RUNX1T1: variants seen among roughly 807,000 people sequenced by gnomAD.
RUNX1T1 encodes protein CBFA2T1.
RUNX1T1 carries 4 observed loss-of-function variants against 62.8 expected under a neutral mutation model. That is an observed-to-expected ratio of 0.06 (90% CI 0.03 to 0.15). RUNX1T1 has a LOEUF of 0.15. RUNX1T1 is among the 10% of genes least tolerant of loss of function. The pLI, the probability that RUNX1T1 is intolerant of heterozygous loss-of-function variation, is 1.00. For missense variants in RUNX1T1, 508 were observed against 754.3 expected (o/e 0.67, Z 3.82); for synonymous variants, 291 against 286.0 (o/e 1.02, Z -0.18).
chr8:91,959,792 CTCT>C (rs1348840062), exon 11 of RUNX1T1: 5 of 251,776 alleles, frequency 2.0e-5, no homozygotes, highest in Non-Finnish European at 3.9e-5. Flanking sequence ...GAGGGTTTTC[CTCT>C]TTTTTTTTTT....
chr8:92,083,616 T>A (rs1835630593), intron 1 of RUNX1T1, among the ~76,000 whole-genome samples: 1 of 152,126 alleles, frequency 6.6e-6, no homozygotes, highest in South Asian at 2.1e-4. Flanking sequence ...CTGGAGAGGA[T>A]GTGGAGAAAC....
intron 1 of RUNX1T1, among the ~76,000 whole-genome samples, chr8:92,038,027 T>G (rs1374289394): frequency 6.7e-6 from 1 of 149,894 alleles, no homozygotes; most frequent in Non-Finnish European, 1.5e-5. Context: ...TCCCAATACT[T>G]ACACAACTCA....
chr8:92,098,569 GTTGT>G (rs546621340), intron 1 of RUNX1T1, among the ~76,000 whole-genome samples: 30 of 152,308 alleles, frequency 2.0e-4, no homozygotes, highest in African/African-American at 6.7e-4. Context: ...CCATGTCTAA[GTTGT>G]TTGTCTTTTT....
exon 8 of RUNX1T1, chr8:91,986,301 C>T (rs745418734): frequency 6.2e-7 from 1 of 1,613,578 alleles, no homozygotes; most frequent in Non-Finnish European, 8.5e-7. Context: ...GTTTTTTCTA[C>T]CATGTCCATT....
intron 1 of RUNX1T1, among the ~76,000 whole-genome samples, chr8:92,096,715 C>G (rs1837776108): frequency 6.6e-6 from 1 of 152,000 alleles, no homozygotes; most frequent in South Asian, 2.1e-4. Context: ...CACTGTAGCC[C>G]TAGCTGCTGT....
intron 1 of RUNX1T1, among the ~76,000 whole-genome samples, chr8:92,033,194 C>T (rs1826584945): frequency 1.3e-5 from 2 of 152,066 alleles, no homozygotes; most frequent in Admixed American, 1.3e-4. Context: ...TGGAAACAGC[C>T]TAACTATTCA....
At chr8:92,048,638 T>A (rs1343578714) in intron 1 of RUNX1T1, among the ~76,000 whole-genome samples, 1 of 151,954 alleles carries the variant, frequency 6.6e-6, no homozygotes, top group Non-Finnish European at 1.5e-5. Context: ...TATTTGACAC[T>A]CAACCTGGTC....
At chr8:91,973,458 T>C (rs1380994773) in intron 9 of RUNX1T1, among the ~76,000 whole-genome samples, 1 of 152,044 alleles carries the variant, frequency 6.6e-6, no homozygotes, top group African/African-American at 2.4e-5. Context: ...TACTTGTAAT[T>C]ACAATTTTCT....
chr8:92,025,498 G>A (rs541722329), intron 1 of RUNX1T1, among the ~76,000 whole-genome samples: 10 of 152,080 alleles, frequency 6.6e-5, no homozygotes, highest in African/African-American at 1.2e-4. Context: ...CCCCATCACC[G>A]CCTAATTAAG....
At chr8:92,022,017 T>C (rs999870790) in intron 1 of RUNX1T1, among the ~76,000 whole-genome samples, 8 of 151,696 alleles carry the variant, frequency 5.3e-5, no homozygotes, top group Admixed American at 2.6e-4. Context: ...TACCTCTGCC[T>C]TTCTTTTAAC....
At chr8:92,102,216 C>T (rs1464103367), upstream of RUNX1T1, among the ~76,000 whole-genome samples, 1 of 152,122 alleles carries the variant, frequency 6.6e-6, no homozygotes, top group Non-Finnish European at 1.5e-5. This position sits in a 1 kb window ranked among gnomAD's most constrained non-coding sequence, Gnocchi z 4.5. Flanking sequence ...GCCCGCTCAC[C>T]CAGGAGCTTC....
chr8:92,054,745 T>A lies in RUNX1T1; in HGVS notation c.7+7801A>T, dbSNP rs928697671. Among the ~76,000 whole-genome samples, 14 of 152,152 alleles carry A rather than the reference T, an allele frequency of 9.2e-5. 1 individual carries two copies. The highest frequency in any genetic ancestry group is 9.2e-4 in the Admixed American group (14 of 15,274). On this transcript the variant is annotated intron_variant, in intron 1 of 10. Transcript: ENST00000396218. ...GGCCAGGCGCGGCGGCTCATGCCTA[T>A]AATCCCAGCACTTTGGGAGGCGGGC...
chr8:92,083,593 G>C (rs769638959), intron 1 of RUNX1T1, among the ~76,000 whole-genome samples: 8 of 152,136 alleles, frequency 5.3e-5, no homozygotes, highest in Non-Finnish European at 8.8e-5. Context: ...AAAAAGTCAG[G>C]AAACAACAGA....
At chr8:91,955,701 T>C (rs998539111), downstream of RUNX1T1, 2 of 224,680 alleles carry the variant, frequency 8.9e-6, no homozygotes, top group Admixed American at 5.7e-5. Flanking sequence ...CCATCCTTGA[T>C]TTTTTGCAAC....
intron 9 of RUNX1T1, among the ~76,000 whole-genome samples, chr8:91,973,265 A>G (rs1042722527): frequency 3.3e-5 from 5 of 151,950 alleles, no homozygotes; most frequent in African/African-American, 1.2e-4. Context: ...TTTAAGAGAA[A>G]GAAGAGGATG....
At chr8:91,976,593 C>T (rs1408486886) in intron 8 of RUNX1T1, among the ~76,000 whole-genome samples, 1 of 152,188 alleles carries the variant, frequency 6.6e-6, no homozygotes, top group African/African-American at 2.4e-5. Context: ...TTAGCCCATG[C>T]TTTCCAGAAA....
At chr8:92,055,023 A>T (rs1325988189) in intron 1 of RUNX1T1, among the ~76,000 whole-genome samples, 3 of 152,118 alleles carry the variant, frequency 2.0e-5, no homozygotes, top group South Asian at 2.1e-4. Context: ...TAAATAAATT[A>T]AAAAAATAAA....
upstream of RUNX1T1, among the ~76,000 whole-genome samples, chr8:92,064,532 C>A (rs1832578965): frequency 6.6e-6 from 1 of 151,948 alleles, no homozygotes; most frequent in South Asian, 2.1e-4. Context: ...GCTATAAGGG[C>A]CTTTATGGAA....
intron 1 of RUNX1T1, among the ~76,000 whole-genome samples, chr8:92,041,249 G>A (rs548401678): frequency 1.3e-5 from 2 of 152,104 alleles, no homozygotes; most frequent in Non-Finnish European, 2.9e-5. Flanking sequence ...ATGATTTCAC[G>A]GCCCATGCTC....
Sources: gnomAD v4.1 joint callset for allele counts (sites outside exome capture counted in the v4.1 genomes callset) on GRCh38, gnomAD v4.1.1 for gene constraint, Gnocchi (gnomAD v3.1) non-coding constraint, MANE v1.5 for transcripts, NCBI Gene and HGNC (gene_info 2026-07-23, HGNC 2026-07-21) for gene names.